Variants in RYR2 observed in about 807,000 individuals in gnomAD.
RYR2 encodes the protein cardiac muscle ryanodine receptor-calcium release channel.
RYR2 carries 227 observed loss-of-function variants against 601.1 expected under a neutral mutation model. The observed-to-expected ratio is 0.38, with a 90% CI of 0.34 to 0.42. The LOEUF (loss-of-function observed/expected upper bound fraction) is 0.42, where lower values mean the gene tolerates loss of function less well. Ranked by LOEUF, RYR2 falls within the 10% of genes least tolerant of loss-of-function variation. The pLI, the probability that RYR2 is intolerant of heterozygous loss-of-function variation, is 1.00. For synonymous variants in RYR2, 2,223 were observed against 2,175.1 expected, an observed-to-expected ratio of 1.02 and a Z score of -0.61; for missense variants, 4,646 against 6,156.5, an observed-to-expected ratio of 0.75 and a Z score of 8.21.
At chr1:237,366,047 G>C (rs1018457286) in intron 5 of RYR2, among the ~76,000 whole-genome samples, 2 of 152,210 alleles carry the variant, frequency 1.3e-5, no homozygotes, top group African/African-American at 2.4e-5. Context: ...TTTAAGTCAC[G>C]TAAACAGAAA....
chr1:237,311,649 T>G, intron 2 of RYR2, among the ~76,000 whole-genome samples: 1 of 151,950 alleles, frequency 6.6e-6, no homozygotes, highest in Non-Finnish European at 1.5e-5. Flanking sequence ...CCAGCTAATT[T>G]TTTTTTTTAA....
At chr1:237,122,751 G>T (rs1167392667) in intron 1 of RYR2, among the ~76,000 whole-genome samples, 3 of 152,124 alleles carry the variant, frequency 2.0e-5, no homozygotes, top group Non-Finnish European at 4.4e-5. Context: ...AAAGATAAGA[G>T]AAGCAGTTAA....
intron 84 of RYR2, among the ~76,000 whole-genome samples, chr1:237,763,744 T>A (rs936283663): frequency 8.5e-5 from 13 of 152,222 alleles, no homozygotes; most frequent in African/African-American, 3.1e-4. Context: ...TAGGAGCATA[T>A]GTAAGGGCCA....
intron 12 of RYR2, among the ~76,000 whole-genome samples, chr1:237,437,291 A>G (rs1283431435): frequency 1.3e-5 from 2 of 152,054 alleles, no homozygotes; most frequent in Non-Finnish European, 2.9e-5. Context: ...TGACCTCATG[A>G]TCCGCCCACC....
chr1:237,092,886 T>G (rs1034871552), intron 1 of RYR2, among the ~76,000 whole-genome samples: 2 of 152,202 alleles, frequency 1.3e-5, no homozygotes, highest in African/African-American at 2.4e-5. Flanking sequence ...CTTCACAGCA[T>G]TTCTTGGATA....
intron 1 of RYR2, among the ~76,000 whole-genome samples, chr1:237,060,892 G>A (rs1167889883): frequency 6.6e-6 from 1 of 152,178 alleles, no homozygotes; most frequent in Non-Finnish European, 1.5e-5. Context: ...ATAAGGGTAT[G>A]TATACATTTC....
chr1:237,501,758 AGCTTCTGGAATG>A (rs527740273), intron 21 of RYR2, among the ~76,000 whole-genome samples: 1 of 152,314 alleles, frequency 6.6e-6, no homozygotes, highest in South Asian at 2.1e-4. Flanking sequence ...TGTTTCTATA[AGCTTCTGGAATG>A]TTTTAACATT....
At position 237,107,274 on chromosome 1, in the gene RYR2, G is replaced by A. The variant is rs180969611; in HGVS notation, c.48+64705G>A. Among the ~76,000 whole-genome samples the A allele has an allele frequency of 3.8e-3, 582 of 152,030 alleles. 7 individuals carry two copies. Among genetic ancestry groups the A allele is most frequent in the African/African-American group, 0.012 (508 of 41,488 alleles). Reference sequence around the variant, plus strand: ...TTCTTGCTTAATAGAAAACATTGTAGGTTCTGGGAGGCTGAGGCGGGCGGA... The same window carrying A: ...TTCTTGCTTAATAGAAAACATTGTAAGTTCTGGGAGGCTGAGGCGGGCGGA... On this transcript the variant is annotated intron_variant, in intron 1 of 104. Coordinates refer to ENST00000366574, the MANE Select transcript of RYR2 (RefSeq NM_001035.3).
In RYR2 at chr1:237,589,792, G is replaced by A; in HGVS notation, c.3599-1G>A. 6.2e-7 allele frequency: 1 copy of A among 1,611,712 alleles called. No individual in the cohort carries two copies. Among genetic ancestry groups the A allele is most frequent in the Non-Finnish European group, 8.5e-7 (1 of 1,179,124 alleles). ...AAACTTGATTTTTTTTTTCTTCCCA[G>A]GATTCATACCTGTGTGTAGCCTTGG... On this transcript the variant is annotated splice_acceptor_variant, in intron 29 of 104. Coordinates refer to ENST00000366574, the MANE Select transcript of RYR2 (RefSeq NM_001035.3). LOFTEE classifies it high-confidence loss of function.
chr1:237,241,524 G>C (rs370665880), intron 1 of RYR2, among the ~76,000 whole-genome samples: 2 of 152,280 alleles, frequency 1.3e-5, no homozygotes, highest in East Asian at 3.9e-4. Context: ...AGGCCAAGTG[G>C]GTTCTTGGCT....
intron 35 of RYR2, among the ~76,000 whole-genome samples, chr1:237,602,572 G>A (rs984289706): frequency 2.6e-5 from 4 of 152,194 alleles, no homozygotes; most frequent in African/African-American, 7.2e-5. Context: ...AGCTCTTGGG[G>A]TACGTTTATT....
rs931490334 is a variant in RYR2, at chr1:237,270,585, T to C, written c.137T>C (p.Leu46Pro). 6.3e-7 allele frequency: 1 copy of C among 1,594,478 alleles called. No individual in the cohort carries two copies. The highest frequency in any genetic ancestry group is 8.5e-7 in the Non-Finnish European group (1 of 1,169,936). Residue 46 changes from leucine to proline, a missense_variant, in exon 2 of 105, where the codon CTT (leucine) becomes CCT (proline). Physicochemically the swap from Leu to Pro is moderately conservative, Grantham distance 98. Transcript: ENST00000366574. Reference sequence around the variant, plus strand: ...GCAGCAGAAGGATTTGGCAACAGACTTTGTTTCTTGGAGTCCACTTCCAAT... The same window carrying C: ...GCAGCAGAAGGATTTGGCAACAGACCTTGTTTCTTGGAGTCCACTTCCAAT... ...CLAAEGFGNR[L>P]CFLESTSNSK...
chr1:237,178,757 A>G (rs1365238732), intron 1 of RYR2, among the ~76,000 whole-genome samples: 1 of 152,140 alleles, frequency 6.6e-6, no homozygotes, highest in African/African-American at 2.4e-5. Flanking sequence ...GTGAGCTATG[A>G]TTACAACATT....
intron 80 of RYR2, 135 bp downstream of exon 80, chr1:237,742,484 G>A (rs1691702993): frequency 2.9e-6 from 2 of 688,600 alleles, no homozygotes; most frequent in Non-Finnish European, 5.0e-6. Context: ...GTCAGAGCTG[G>A]ATGGACAAAC....
At chr1:237,702,630 G>A (rs575828171) in intron 66 of RYR2, among the ~76,000 whole-genome samples, 5 of 152,158 alleles carry the variant, frequency 3.3e-5, no homozygotes, top group African/African-American at 1.2e-4. Flanking sequence ...ATTATGAATA[G>A]ATATAAGTTC....
At chr1:237,175,660 T>C (rs954703216) in intron 1 of RYR2, among the ~76,000 whole-genome samples, 1 of 152,188 alleles carries the variant, frequency 6.6e-6, no homozygotes, top group Admixed American at 6.5e-5. Flanking sequence ...TGTATATCAT[T>C]TTGAATGGCT....
intron 55 of RYR2, among the ~76,000 whole-genome samples, chr1:237,660,542 A>C (rs1038677491): frequency 1.3e-5 from 2 of 152,066 alleles, no homozygotes. Context: ...TTTTCTGTGT[A>C]AGGTCCTAGG....
chr1:237,528,708 A>G (rs573948730), intron 24 of RYR2, among the ~76,000 whole-genome samples: 1 of 152,062 alleles, frequency 6.6e-6, no homozygotes, highest in Non-Finnish European at 1.5e-5. Flanking sequence ...TACATTTTCT[A>G]TGGCTCAGGC....
intron 77 of RYR2, among the ~76,000 whole-genome samples, chr1:237,730,741 G>A (rs1460791048): frequency 6.6e-6 from 1 of 152,100 alleles, no homozygotes; most frequent in South Asian, 2.1e-4. Flanking sequence ...ACAAAAAATT[G>A]CTGGTTTTTA....
Sources: gnomAD v4.1 joint callset for allele counts (sites outside exome capture counted in the v4.1 genomes callset) on GRCh38, gnomAD v4.1.1 for gene constraint, MANE v1.5 for transcripts, NCBI Gene and HGNC (gene_info 2026-07-23, HGNC 2026-07-21) for gene names.